CDH23: variants seen among roughly 807,000 people sequenced by gnomAD.
CDH23 encodes cadherin-23.
Under a neutral mutation model 317.1 loss-of-function variants are expected in CDH23, and 189 were observed. The observed-to-expected ratio is 0.60, with a 90% CI of 0.53 to 0.67. The LOEUF is 0.67. CDH23 is among the 30% of genes least tolerant of loss of function. The pLI, the probability that CDH23 is intolerant of heterozygous loss-of-function variation, is 0.00. For synonymous variants in CDH23, 1,839 were observed against 1,876.8 expected (o/e 0.98, Z 0.52); for missense variants, 4,401 against 4,592.4 (o/e 0.96, Z 1.20).
chr10:71,559,699 A>G (rs2132337452), intron 6 of CDH23, among the ~76,000 whole-genome samples: 1 of 152,336 alleles, frequency 6.6e-6, no homozygotes, highest in Admixed American at 6.5e-5. Context: ...GATGTCCTCG[A>G]GCCATGTCAG....
chr10:71,400,166 T>C (rs1317363656), intron 1 of CDH23, among the ~76,000 whole-genome samples: 1 of 152,188 alleles, frequency 6.6e-6, no homozygotes, highest in Non-Finnish European at 1.5e-5. Context: ...TGCCGAGGCA[T>C]GGTGGCAAGT....
intron 6 of CDH23, among the ~76,000 whole-genome samples, chr10:71,519,274 G>T (rs1854521610): frequency 6.6e-6 from 1 of 152,218 alleles, no homozygotes; most frequent in South Asian, 2.1e-4. Context: ...AATGGAAGGA[G>T]ATGATAGCTG....
At chr10:71,461,825 C>G (rs1375003904) in intron 3 of CDH23, among the ~76,000 whole-genome samples, 1 of 152,218 alleles carries the variant, frequency 6.6e-6, no homozygotes, top group Non-Finnish European at 1.5e-5. Context: ...AGGTTATAGT[C>G]CAACCCCTGG....
At chr10:71,713,645 G>A (rs1030871686) in intron 28 of CDH23, 7 of 277,628 alleles carry the variant, frequency 2.5e-5, no homozygotes, top group South Asian at 1.6e-4. Context: ...AGCTCCAGAA[G>A]GAGGAAGTAG....
Position 71,730,456 on chromosome 10 carries a change from C to T in CDH23, c.3580-13C>T, listed in dbSNP as rs150894638. On this transcript the variant is annotated splice_polypyrimidine_tract_variant and intron_variant, in intron 30 of 69. Transcript: ENST00000224721. Reference sequence around the variant, plus strand: ...CCCACCCTGACCTTGCACCCCTGGCCCGGCTCCCACAGGTGATTGTGTACG... The same window carrying T: ...CCCACCCTGACCTTGCACCCCTGGCTCGGCTCCCACAGGTGATTGTGTACG... 4.1e-4 allele frequency: 660 copies of T among 1,613,004 alleles called. 2 individuals carry two copies. The highest frequency in any genetic ancestry group is 2.9e-3 in the South Asian group (262 of 91,026).
Position 71,815,108 on chromosome 10 carries a change from A to G in CDH23, c.9895A>G (p.Ser3299Gly), listed in dbSNP as rs770553556. Reference protein sequence around the residue: ...TGTLLATDLNSLPEEDQKGLG... With the variant: ...TGTLLATDLNGLPEEDQKGLG... The stretch of plus-strand genomic sequence containing the variant: ...CACGCTGCTGGCCACCGACCTCAAC[A>G]GCCTGCCCGAGGAAGACCAGAAGGG... Residue 3299 changes from serine to glycine, a missense_variant, in exon 70 of 70, where the codon AGC becomes GGC. Coordinates refer to ENST00000224721, the MANE Select transcript of CDH23 (RefSeq NM_022124.6). 12 of 1,611,172 alleles carry G rather than the reference A, an allele frequency of 7.4e-6. No individual in the cohort carries two copies. The highest frequency in any genetic ancestry group is 9.3e-6 in the Non-Finnish European group (11 of 1,179,132).
chr10:71,428,044 A>G (rs959242666), intron 1 of CDH23, among the ~76,000 whole-genome samples: 1 of 151,724 alleles, frequency 6.6e-6, no homozygotes, highest in Non-Finnish European at 1.5e-5. Context: ...CTGTCATGCT[A>G]CTTTCTCCAG....
chr10:71,562,169 C>T (rs1867992), intron 6 of CDH23, among the ~76,000 whole-genome samples: 21,158 of 151,168 alleles, frequency 0.14, 1,966 homozygotes, highest in African/African-American at 0.25. Context: ...GACACCAGAG[C>T]GACATCTTCC....
chr10:71,533,569 A>ACACACACACC (rs1491567904), intron 6 of CDH23, among the ~76,000 whole-genome samples: 9 of 109,564 alleles, frequency 8.2e-5, no homozygotes, highest in Non-Finnish European at 1.9e-4. Context: ...ACACACACAC[A>ACACACACACC]CTGGCTGGGG....
At chr10:71,479,349 G>T (rs112795847) in intron 3 of CDH23, among the ~76,000 whole-genome samples, 1 of 152,178 alleles carries the variant, frequency 6.6e-6, no homozygotes, top group Non-Finnish European at 1.5e-5. Context: ...CAGGGAACCC[G>T]CAGTGTGGAC....
intron 3 of CDH23, among the ~76,000 whole-genome samples, chr10:71,447,971 A>G (rs1850251577): frequency 6.6e-6 from 1 of 152,218 alleles, no homozygotes; most frequent in Admixed American, 6.5e-5. Flanking sequence ...ATTCATGTCC[A>G]TTTAAATCTC....
At chr10:71,731,880 A>G (rs1193843210) in intron 31 of CDH23, 107 bp from the exon 32 acceptor site, 2 of 1,234,028 alleles carry the variant, frequency 1.6e-6, no homozygotes, top group Non-Finnish European at 2.2e-6. Context: ...GGGGCAGCCC[A>G]TGCTGGGTGG....
chr10:71,446,112 A>G (rs1850152493), intron 2 of CDH23, among the ~76,000 whole-genome samples: 1 of 152,154 alleles, frequency 6.6e-6, no homozygotes, highest in South Asian at 2.1e-4. Flanking sequence ...CTCACTTGCC[A>G]CACACCAGAC....
chr10:71,590,874 A>AAAAAAAAAAC (rs1564673676), intron 9 of CDH23, among the ~76,000 whole-genome samples: 2 of 67,324 alleles, frequency 3.0e-5, no homozygotes, highest in Non-Finnish European at 3.0e-5. Context: ...CCCTGTCTCT[A>AAAAAAAAAAC]AAAAAAAAAA....
intron 14 of CDH23, among the ~76,000 whole-genome samples, chr10:71,664,500 G>A (rs371452226): frequency 3.3e-5 from 5 of 152,136 alleles, no homozygotes; most frequent in South Asian, 2.1e-4. Flanking sequence ...CCACGGACCC[G>A]CTGCTGGCAC....
chr10:71,812,025 G>C lies in CDH23; in HGVS notation c.9380+10G>C, dbSNP rs1589439039. The C allele has an allele frequency of 1.9e-6, 3 of 1,613,996 alleles. No homozygotes were observed. The highest frequency in any genetic ancestry group is 2.5e-6 in the Non-Finnish European group (3 of 1,179,880). ...AGTACTCCTTTGATGGGTGAGTGGG[G>C]TACTGGCCCTGCCCGGTCCCCTGCG... On this transcript the variant is annotated intron_variant, in intron 66 of 69. Coordinates refer to ENST00000224721, the MANE Select transcript of CDH23 (RefSeq NM_022124.6).
intron 6 of CDH23, among the ~76,000 whole-genome samples, chr10:71,516,451 C>T (rs767979627): frequency 1.1e-4 from 16 of 152,352 alleles, no homozygotes; most frequent in South Asian, 2.1e-4. Context: ...TGTCCCTTAA[C>T]AAGGATGAAA....
intron 6 of CDH23, among the ~76,000 whole-genome samples, chr10:71,526,740 G>A (rs375072458): frequency 1.4e-4 from 22 of 152,322 alleles, no homozygotes; most frequent in East Asian, 3.9e-4. Context: ...GACTGCATGC[G>A]TCACTCGGGT....
At position 71,799,540 on chromosome 10, in the gene CDH23, ACT is replaced by A. The variant is rs1841497902; in HGVS notation, c.7274_7275del (p.Thr2425SerfsTer3). The A allele has an allele frequency of 2.5e-6, 4 of 1,613,950 alleles. No homozygotes were observed. The highest frequency in any genetic ancestry group is 3.4e-6 in the Non-Finnish European group (4 of 1,179,904). On this transcript the variant is annotated frameshift_variant, in exon 52 of 70. Transcript: ENST00000224721. LOFTEE classifies it high-confidence loss of function. ...TGTGGGCACAATCATCCTGACAGTC[ACT>A]GCCACTGATGCTGACTCAGGCAACT... Reference protein sequence around the residue: ...VPVGTIILTVTATDADSGNFA... With the variant: ...VPVGTIILTVXATDADSGNFA...
Sources: gnomAD v4.1 joint callset for allele counts (sites outside exome capture counted in the v4.1 genomes callset) on GRCh38, gnomAD v4.1.1 for gene constraint, MANE v1.5 for transcripts, NCBI Gene and HGNC (gene_info 2026-07-23, HGNC 2026-07-21) for gene names.